The following FANCA variants were observed in gnomAD, a reference collection of about 807,000 sequenced individuals.
FANCA encodes the protein FA complementation group A.
A neutral mutation model predicts 194.3 loss-of-function variants in FANCA; 236 were observed. The ratio of observed to expected loss-of-function variants is 1.21; its 90% CI spans 1.09 to 1.35. The LOEUF is 1.35. Ranked by LOEUF, FANCA falls within the 40% of genes most tolerant of loss-of-function variation. FANCA has a pLI of 0.00. For synonymous variants in FANCA, 1,014 were observed against 715.8 expected (o/e 1.42, Z -6.65); for missense variants, 2,628 against 1,813.9 (o/e 1.45, Z -8.15).
chr16:89,786,004 CA>C (rs1290259682), intron 14 of FANCA, among the ~76,000 whole-genome samples: 2 of 148,226 alleles, frequency 1.3e-5, no homozygotes, highest in African/African-American at 5.0e-5. Context: ...CATTTGCTAC[CA>C]CTCCCAGCTA....
At position 89,779,723 on chromosome 16, in the gene FANCA, C is replaced by A. The variant is rs1190927255; in HGVS notation, c.1715+146G>T. The A allele has an allele frequency of 6.2e-5, 46 of 741,652 alleles. No individual in the cohort carries two copies. In the Admixed American group the frequency reaches 9.3e-4, roughly 15 times the overall value. The allele number at this position is 741,652 out of a possible 1,614,324, so 45.9% of individuals were successfully genotyped here. On this transcript the variant is annotated intron_variant, in intron 18 of 42. Transcript: ENST00000389301. ...GCTCTGGGCAGAAATGGGACACACTCCAAAGAGCCCCAGACGCTGGCAGGC... is the reference window on the plus strand; with the variant it reads ...GCTCTGGGCAGAAATGGGACACACTACAAAGAGCCCCAGACGCTGGCAGGC...
chr16:89,807,755 C>T (rs901250262), intron 6 of FANCA, among the ~76,000 whole-genome samples: 4 of 151,964 alleles, frequency 2.6e-5, no homozygotes, highest in Admixed American at 1.3e-4. Flanking sequence ...TGGTGGCGGA[C>T]GCCTGTAGTC....
chr16:89,741,911 G>A (rs1480567930), intron 37 of FANCA, among the ~76,000 whole-genome samples: 4 of 152,008 alleles, frequency 2.6e-5, no homozygotes, highest in African/African-American at 9.7e-5. Context: ...CTGAAGAAAC[G>A]CACTTCAAGC....
intron 6 of FANCA, among the ~76,000 whole-genome samples, chr16:89,807,959 G>A (rs542261952): frequency 6.6e-6 from 1 of 152,292 alleles, no homozygotes; most frequent in African/African-American, 2.4e-5. Flanking sequence ...TTGGGAGGCT[G>A]AGGCAGGAGA....
intron 33 of FANCA, 94 bp downstream of exon 33, chr16:89,748,565 C>T: frequency 1.0e-6 from 1 of 982,944 alleles, no homozygotes. Context: ...CTCAGTAATT[C>T]ACACGGTCAG....
chr16:89,782,380 C>CG (rs1567628409), intron 17 of FANCA, among the ~76,000 whole-genome samples: 1 of 151,536 alleles, frequency 6.6e-6, no homozygotes, highest in Non-Finnish European at 1.5e-5. Flanking sequence ...GGCGTGGTGG[C>CG]GGCTCCTGTA....
At chr16:89,740,659 C>A in intron 38 of FANCA, 145 bp downstream of exon 38, 1 of 652,780 alleles carries the variant, frequency 1.5e-6, no homozygotes, top group Non-Finnish European at 2.7e-6. Context: ...AAAAAACCCA[C>A]GGCCTGGGAG....
chr16:89,741,108 CAA>C (rs1406259296), intron 37 of FANCA, among the ~76,000 whole-genome samples: 2 of 152,238 alleles, frequency 1.3e-5, no homozygotes, highest in East Asian at 1.9e-4. Context: ...GAAAAAGTGA[CAA>C]GAGCCAGAAA....
chr16:89,802,999 T>C (rs549268659), intron 8 of FANCA, among the ~76,000 whole-genome samples: 4 of 152,212 alleles, frequency 2.6e-5, no homozygotes. Context: ...GCGGCTATAG[T>C]TAACAACAGA....
intron 36 of FANCA, among the ~76,000 whole-genome samples, chr16:89,743,667 T>C (rs1026040108): frequency 6.6e-6 from 1 of 151,464 alleles, no homozygotes; most frequent in African/African-American, 2.4e-5. Context: ...CTACTAAAAA[T>C]ACAAAATTAG....
chr16:89,812,225 G>C (rs917893305), intron 3 of FANCA, among the ~76,000 whole-genome samples: 5 of 151,810 alleles, frequency 3.3e-5, no homozygotes, highest in African/African-American at 1.2e-4. Context: ...TGTAGTCCCA[G>C]CTACTCAGGA....
intron 29 of FANCA, 140 bp from the exon 30 acceptor site, chr16:89,758,845 G>C (rs1477256554): frequency 5.6e-6 from 7 of 1,256,474 alleles, no homozygotes; most frequent in Non-Finnish European, 7.9e-6. Flanking sequence ...GGACCTTGGA[G>C]TAGGGATGAG....
At position 89,815,882 on chromosome 16, in the gene FANCA, G is replaced by A; in HGVS notation, c.184C>T (p.Leu62Phe). 2 of 1,612,130 alleles carry A rather than the reference G, an allele frequency of 1.2e-6. No individual in the cohort carries two copies. Among genetic ancestry groups the A allele is most frequent in the South Asian group, 1.1e-5 (1 of 91,058 alleles). ...GGACACCAGCTTCCTCTTACCTCAA[G>A]CAAAAGGGCATTCAGGTCCTGATGG... ...RSHQDLNALL[L>F]EVEGPLCKKL... is the part of the protein sequence containing the mutation. The change falls in exon 2 of 43, where the codon CTT becomes TTT. Residue 62 changes from leucine to phenylalanine, a missense_variant. By Grantham distance (22) the Leu-to-Phe change is conservative. Transcript: ENST00000389301.
rs144352354 is a variant in FANCA at position 89,793,312 on chromosome 16, C to A, written c.1007-765G>T. On this transcript the variant is annotated intron_variant, in intron 11 of 42. Coordinates refer to ENST00000389301, the MANE Select transcript of FANCA (RefSeq NM_000135.4). ...CAAGGAGCCCTCTGGTGGCCCTGTC[C>A]GGGCATAACAGAAGGCTCACACTCT... 8.1e-3 allele frequency among the ~76,000 whole-genome samples: 1,226 copies of A among 152,220 alleles called. 9 individuals carry two copies. The highest frequency in any genetic ancestry group is 0.027 in the Middle Eastern group (8 of 294).
intron 5 of FANCA, among the ~76,000 whole-genome samples, chr16:89,808,934 C>T (rs1176697309): frequency 6.6e-6 from 1 of 151,404 alleles, no homozygotes; most frequent in African/African-American, 2.4e-5. Flanking sequence ...GAGACAGAGT[C>T]GCGCTCTGTC....
At chr16:89,756,596 G>A (rs1435533094) in intron 30 of FANCA, among the ~76,000 whole-genome samples, 1 of 151,078 alleles carries the variant, frequency 6.6e-6, no homozygotes, top group African/African-American at 2.4e-5. Context: ...CCCCAGCCTG[G>A]GTGACAAAGA....
intron 7 of FANCA, among the ~76,000 whole-genome samples, chr16:89,804,567 T>C (rs772037632): frequency 1.3e-4 from 20 of 152,214 alleles, no homozygotes; most frequent in South Asian, 6.2e-4. Context: ...GTCCGAGCCA[T>C]CCTCTGACAA....
intron 11 of FANCA, among the ~76,000 whole-genome samples, chr16:89,795,095 G>T (rs74363261): frequency 2.0e-5 from 3 of 152,084 alleles, no homozygotes; most frequent in Non-Finnish European, 2.9e-5. Flanking sequence ...GACCAGCCTG[G>T]CCAACATGGT....
chr16:89,800,578 T>C (rs1048099672), intron 8 of FANCA, among the ~76,000 whole-genome samples: 3 of 151,872 alleles, frequency 2.0e-5, no homozygotes, highest in Non-Finnish European at 4.4e-5. Flanking sequence ...GGAACCAAAA[T>C]AGAACACAGA....
Sources: allele counts gnomAD v4.1 joint callset (sites outside exome capture counted in the v4.1 genomes callset), GRCh38; gene constraint gnomAD v4.1.1; transcripts MANE v1.5; gene names NCBI Gene and HGNC (gene_info 2026-07-23, HGNC 2026-07-21).